CUBN: variants seen among roughly 807,000 people sequenced by gnomAD.
The protein encoded by CUBN is 460 kDa receptor.
Under a neutral mutation model 405.3 loss-of-function variants are expected in CUBN, and 282 were observed. That is an observed-to-expected ratio of 0.70 (90% CI 0.63 to 0.77). The LOEUF (loss-of-function observed/expected upper bound fraction) is 0.77, where lower values mean the gene tolerates loss of function less well. Ranked by LOEUF, CUBN falls within the 30% of genes least tolerant of loss-of-function variation. CUBN has a pLI of 0.00. For synonymous variants in CUBN, 1,684 were observed against 1,617.0 expected (o/e 1.04, Z -0.99); for missense variants, 4,514 against 4,475.2 (o/e 1.01, Z -0.25).
chr10:17,044,227 T>A (rs1390331213), intron 25 of CUBN, among the ~76,000 whole-genome samples: 1 of 146,454 alleles, frequency 6.8e-6, no homozygotes, highest in Non-Finnish European at 1.5e-5. Context: ...TATATTTGCA[T>A]TAAATACATA....
At chr10:17,051,131 G>T (rs182837209) in intron 22 of CUBN, among the ~76,000 whole-genome samples, 2 of 152,132 alleles carry the variant, frequency 1.3e-5, no homozygotes, top group East Asian at 3.9e-4. Flanking sequence ...GGAGGTCAAG[G>T]CAGGTGGATC....
chr10:16,987,334 GA>G (rs1483943520), intron 29 of CUBN, among the ~76,000 whole-genome samples: 5 of 152,190 alleles, frequency 3.3e-5, no homozygotes, highest in African/African-American at 9.7e-5. Flanking sequence ...AACTTTGGGG[GA>G]AAAAGAAGTG....
At chr10:16,864,126 C>T (rs1271775699) in intron 59 of CUBN, among the ~76,000 whole-genome samples, 3 of 152,114 alleles carry the variant, frequency 2.0e-5, no homozygotes, top group Admixed American at 1.3e-4. Context: ...GAAGTAGGCA[C>T]AATTTATCCA....
chr10:17,103,335 A>C (rs1048056583), intron 12 of CUBN, 98 bp from the exon 13 acceptor site: 7 of 770,650 alleles, frequency 9.1e-6, no homozygotes, highest in African/African-American at 1.7e-5. Flanking sequence ...AGAAAATTTG[A>C]GTAATGAAGG....
chr10:17,014,086 T>C (rs58169187), intron 28 of CUBN, among the ~76,000 whole-genome samples: 60,315 of 152,020 alleles, frequency 0.4, 12,293 homozygotes, highest in East Asian at 0.59. Flanking sequence ...CTGATAGCCA[T>C]AAACTTCCTT....
At chr10:16,957,597 G>A (rs1432167641) in intron 31 of CUBN, among the ~76,000 whole-genome samples, 1 of 152,014 alleles carries the variant, frequency 6.6e-6, no homozygotes, top group Admixed American at 6.6e-5. Context: ...GTGTGGATGT[G>A]GGGAAAAGGG....
intron 39 of CUBN, among the ~76,000 whole-genome samples, chr10:16,935,541 T>A (rs982983996): frequency 6.6e-5 from 10 of 152,126 alleles, no homozygotes; most frequent in Non-Finnish European, 1.3e-4. Context: ...AAATTCTCAA[T>A]AAATATGCGT....
Position 16,947,272 on chromosome 10 carries a change from CGAT to C in CUBN, c.5302_5304del (p.Ile1768del), listed in dbSNP as rs775161946. 10 of 1,613,816 alleles carry C rather than the reference CGAT, an allele frequency of 6.2e-6. No homozygotes were observed. The East Asian group carries it at 1.8e-4, about 29-fold the overall frequency. ...TGGAGCCGGTTGCCAGGGGAACTGACGATGTTCCAGACACATTCCACATTAGGG... is the reference window on the plus strand; with the variant it reads ...TGGAGCCGGTTGCCAGGGGAACTGACGTTCCAGACACATTCCACATTAGGG... On this transcript the variant is annotated inframe_deletion, in exon 36 of 67. Coordinates refer to ENST00000377833, the MANE Select transcript of CUBN (RefSeq NM_001081.4).
intron 28 of CUBN, among the ~76,000 whole-genome samples, chr10:17,004,409 C>T (rs1413638808): frequency 6.6e-6 from 1 of 152,216 alleles, no homozygotes; most frequent in Non-Finnish European, 1.5e-5. Flanking sequence ...CAAAACCTCA[C>T]CTAATTTTTA....
At chr10:17,015,944 C>T (rs1834315849) in intron 28 of CUBN, among the ~76,000 whole-genome samples, 1 of 152,144 alleles carries the variant, frequency 6.6e-6, no homozygotes, top group Non-Finnish European at 1.5e-5. Flanking sequence ...TCTCTGATCT[C>T]ACTTTTCCTT....
At chr10:17,128,050 T>C (rs1021546276) in intron 2 of CUBN, 126 bp from the exon 3 acceptor site, 1 of 657,698 alleles carries the variant, frequency 1.5e-6, no homozygotes, top group Non-Finnish European at 2.6e-6. Context: ...CCTATTATTA[T>C]AAAAACCAAA....
At chr10:16,930,793 C>T (rs949028901) in intron 40 of CUBN, among the ~76,000 whole-genome samples, 5 of 152,160 alleles carry the variant, frequency 3.3e-5, no homozygotes, top group African/African-American at 4.8e-5. Flanking sequence ...AGCCTCCATA[C>T]GGCCAAAGGC....
At chr10:16,892,393 C>G (rs1227851753) in intron 54 of CUBN, among the ~76,000 whole-genome samples, 1 of 152,038 alleles carries the variant, frequency 6.6e-6, no homozygotes, top group African/African-American at 2.4e-5. Flanking sequence ...TAGATTTCCC[C>G]CTAATAATAT....
At chr10:17,022,787 C>T (rs1834532892) in intron 27 of CUBN, among the ~76,000 whole-genome samples, 1 of 152,204 alleles carries the variant, frequency 6.6e-6, no homozygotes, top group African/African-American at 2.4e-5. Context: ...CAAGCAAATG[C>T]TCTACCATCT....
intron 50 of CUBN, among the ~76,000 whole-genome samples, chr10:16,904,618 A>T (rs181884222): frequency 3.3e-5 from 5 of 152,340 alleles, no homozygotes; most frequent in Admixed American, 1.3e-4. Flanking sequence ...TTTCATGAAG[A>T]TTACATTTCG....
chr10:17,072,479 A>G (rs879451720), intron 17 of CUBN, among the ~76,000 whole-genome samples: 1 of 152,176 alleles, frequency 6.6e-6, no homozygotes, highest in Non-Finnish European at 1.5e-5. Flanking sequence ...CACACCTATT[A>G]TCTGAGCACC....
intron 35 of CUBN, among the ~76,000 whole-genome samples, chr10:16,948,240 T>C (rs1203312069): frequency 6.6e-6 from 1 of 152,148 alleles, no homozygotes; most frequent in East Asian, 1.9e-4. Context: ...AGTCATCTGA[T>C]AGCATGGCAT....
intron 27 of CUBN, among the ~76,000 whole-genome samples, chr10:17,037,021 C>T (rs1834918590): frequency 6.6e-6 from 1 of 152,166 alleles, no homozygotes; most frequent in South Asian, 2.1e-4. Context: ...CCTCACTTTT[C>T]TCACCTAACG....
intron 27 of CUBN, among the ~76,000 whole-genome samples, chr10:17,030,052 G>A (rs756971014): frequency 2.4e-4 from 36 of 152,184 alleles, no homozygotes; most frequent in Non-Finnish European, 4.4e-4. Flanking sequence ...CTGCACACGC[G>A]AGGGATCTAG....
Sources: gnomAD v4.1 joint callset for allele counts (sites outside exome capture counted in the v4.1 genomes callset) on GRCh38, gnomAD v4.1.1 for gene constraint, MANE v1.5 for transcripts, NCBI Gene and HGNC (gene_info 2026-07-23, HGNC 2026-07-21) for gene names.